Variants in PCDH15 observed in about 807,000 individuals in gnomAD.
PCDH15 encodes protocadherin-15.
Under a neutral mutation model 178.5 loss-of-function variants are expected in PCDH15, and 129 were observed. The ratio of observed to expected loss-of-function variants is 0.72; its 90% CI spans 0.63 to 0.84. The LOEUF is 0.84. Ranked by LOEUF, PCDH15 falls within the 40% of genes least tolerant of loss-of-function variation. PCDH15 has a pLI of 0.00. For missense variants in PCDH15, 2,230 were observed against 2,099.9 expected (o/e 1.06, Z -1.21); for synonymous variants, 800 against 732.0 (o/e 1.09, Z -1.50).
intron 2 of PCDH15, among the ~76,000 whole-genome samples, chr10:55,033,415 A>T (rs1260853490): frequency 6.6e-6 from 1 of 152,088 alleles, no homozygotes; most frequent in Non-Finnish European, 1.5e-5. Context: ...CAGTGTGTCC[A>T]GGAAGTGGGC....
intron 9 of PCDH15, among the ~76,000 whole-genome samples, chr10:54,234,132 C>CTGTG (rs35466519): frequency 0.23 from 31,358 of 138,210 alleles, 3,678 homozygotes; most frequent in East Asian, 0.48. Context: ...ATATCCCCTT[C>CTGTG]TGTGTGTGTG....
At chr10:54,621,803 G>A (rs926262941) in intron 2 of PCDH15, among the ~76,000 whole-genome samples, 1 of 151,834 alleles carries the variant, frequency 6.6e-6, no homozygotes, top group African/African-American at 2.4e-5. Context: ...AATGTGGGCA[G>A]GAAGAAAGAG....
chr10:54,042,590 G>A (rs1007547268), intron 18 of PCDH15, among the ~76,000 whole-genome samples: 3 of 152,022 alleles, frequency 2.0e-5, no homozygotes, highest in African/African-American at 4.8e-5. Flanking sequence ...TTTGGTAAGC[G>A]TAGCTGTGTT....
rs59914675 is a variant in PCDH15, at chr10:53,888,664, GATATAT to G, written c.3501+14573_3501+14578del. On this transcript the variant is annotated intron_variant, in intron 26 of 37. Coordinates refer to ENST00000644397, the MANE Select transcript of PCDH15 (RefSeq NM_001384140.1). Reference sequence around the variant, plus strand: ...TTTCAATTCCCTAGCAGTTAAGTTTGATATATATATATATATATATATATATATATA... The same window carrying G: ...TTTCAATTCCCTAGCAGTTAAGTTTGATATATATATATATATATATATATA... Among the ~76,000 whole-genome samples, 32 of 17,018 alleles carry G rather than the reference GATATAT, an allele frequency of 1.9e-3. 1 individual carries two copies. The highest frequency in any genetic ancestry group is 4.7e-3 in the Non-Finnish European group (20 of 4,224). The allele number at this position is 17,018 out of a possible 152,430, so 11.2% of individuals were successfully genotyped here.
intron 1 of PCDH15, among the ~76,000 whole-genome samples, chr10:55,318,330 T>C (rs1172371317): frequency 2.6e-5 from 4 of 152,112 alleles, no homozygotes; most frequent in African/African-American, 4.8e-5. Flanking sequence ...CTGGAAATAA[T>C]ACATTACTTT....
chr10:54,246,639 T>C (rs2055959855), intron 8 of PCDH15, among the ~76,000 whole-genome samples: 1 of 152,006 alleles, frequency 6.6e-6, no homozygotes, highest in Admixed American at 6.6e-5. Flanking sequence ...GATAATGCTC[T>C]TACGAACACT....
intron 3 of PCDH15, among the ~76,000 whole-genome samples, chr10:54,525,185 T>C (rs2083257880): frequency 6.6e-6 from 1 of 152,242 alleles, no homozygotes; most frequent in Non-Finnish European, 1.5e-5. Context: ...TGCTTTGCTT[T>C]AGTAGTGAAT....
At chr10:55,015,384 A>T (rs1840147780) in intron 2 of PCDH15, among the ~76,000 whole-genome samples, 1 of 152,022 alleles carries the variant, frequency 6.6e-6, no homozygotes, top group South Asian at 2.1e-4. Context: ...TATTCATTAT[A>T]GAGACACAAA....
chr10:54,970,662 T>A (rs1467630630), intron 2 of PCDH15, among the ~76,000 whole-genome samples: 1 of 152,120 alleles, frequency 6.6e-6, no homozygotes, highest in African/African-American at 2.4e-5. Context: ...GTGAGTAGCA[T>A]AATAAAATCT....
chr10:54,594,337 A>G (rs945297329), intron 2 of PCDH15, among the ~76,000 whole-genome samples: 39 of 152,252 alleles, frequency 2.6e-4, no homozygotes, highest in Admixed American at 2.1e-3. Flanking sequence ...AGTAGACATT[A>G]GCCCTAAGGA....
intron 10 of PCDH15, among the ~76,000 whole-genome samples, chr10:54,213,190 A>G (rs1321663361): frequency 6.6e-6 from 1 of 152,140 alleles, no homozygotes; most frequent in Non-Finnish European, 1.5e-5. Flanking sequence ...TCTTGTACTT[A>G]CAATGCCCTT....
intron 26 of PCDH15, among the ~76,000 whole-genome samples, chr10:53,883,998 G>C (rs1290674150): frequency 6.6e-6 from 1 of 151,468 alleles, no homozygotes; most frequent in African/African-American, 2.4e-5. Flanking sequence ...TTACAGGCGT[G>C]AGCCACTGTG....
At chr10:55,135,281 G>A (rs1394777969) in intron 2 of PCDH15, among the ~76,000 whole-genome samples, 1 of 152,018 alleles carries the variant, frequency 6.6e-6, no homozygotes, top group Non-Finnish European at 1.5e-5. Context: ...GTGTTTATCT[G>A]CTAACTTTTA....
At chr10:54,813,588 A>T (rs1446069400) in intron 3 of PCDH15, among the ~76,000 whole-genome samples, 1 of 152,140 alleles carries the variant, frequency 6.6e-6, no homozygotes, top group Non-Finnish European at 1.5e-5. Context: ...AACACATACC[A>T]ATACAGTTAA....
At chr10:54,333,926 GA>G in intron 6 of PCDH15, among the ~76,000 whole-genome samples, 1 of 152,150 alleles carries the variant, frequency 6.6e-6, no homozygotes, top group East Asian at 1.9e-4. Context: ...CAATGAGGCA[GA>G]AAAGTTTGGG....
At chr10:53,977,252 G>A (rs1390000803) in intron 21 of PCDH15, among the ~76,000 whole-genome samples, 7 of 151,808 alleles carry the variant, frequency 4.6e-5, no homozygotes, top group Non-Finnish European at 1.0e-4. Context: ...AGCTTCCTTG[G>A]GCCACATTGG....
chr10:54,333,132 G>A (rs578254821), intron 6 of PCDH15, among the ~76,000 whole-genome samples: 4 of 152,134 alleles, frequency 2.6e-5, no homozygotes, highest in South Asian at 2.1e-4. Context: ...ACTTTTAGTA[G>A]AGATGGGGTT....
At chr10:54,083,619 C>A (rs1043029792) in intron 16 of PCDH15, among the ~76,000 whole-genome samples, 3 of 151,990 alleles carry the variant, frequency 2.0e-5, no homozygotes, top group Non-Finnish European at 4.4e-5. Flanking sequence ...TTGCCAGGGG[C>A]TAAGGGAAAT....
intron 14 of PCDH15, among the ~76,000 whole-genome samples, chr10:54,137,630 C>T (rs1487055648): frequency 6.6e-6 from 1 of 152,108 alleles, no homozygotes; most frequent in Non-Finnish European, 1.5e-5. Flanking sequence ...TGCTTCCTAG[C>T]CCCTCCCTAG....
Sources: gnomAD v4.1 joint callset for allele counts (sites outside exome capture counted in the v4.1 genomes callset) on GRCh38, gnomAD v4.1.1 for gene constraint, MANE v1.5 for transcripts, NCBI Gene and HGNC (gene_info 2026-07-23, HGNC 2026-07-21) for gene names.